Variants in JAK1 observed in about 807,000 individuals in gnomAD.
JAK1 encodes tyrosine-protein kinase JAK1.
JAK1 carries 16 observed loss-of-function variants against 136.6 expected under a neutral mutation model. That is an observed-to-expected ratio of 0.12 (90% CI 0.08 to 0.18). The LOEUF is 0.18. Among genes scored for constraint, JAK1 ranks in the 10% least tolerant of loss-of-function variants. The pLI, the probability that JAK1 is intolerant of heterozygous loss-of-function variation, is 1.00. For missense variants in JAK1, 859 were observed against 1,450.1 expected, an observed-to-expected ratio of 0.59 and a Z score of 6.62; for synonymous variants, 492 against 519.5, an observed-to-expected ratio of 0.95 and a Z score of 0.72.
chr1:64,874,338 A>G (rs1415865790), intron 4 of JAK1, among the ~76,000 whole-genome samples: 4 of 152,242 alleles, frequency 2.6e-5, no homozygotes, highest in Admixed American at 6.5e-5. Context: ...CAACAGTTTG[A>G]AAAAACTGAC....
At chr1:64,839,891 GC>G (rs1345224595) in intron 19 of JAK1, 96 bp from the exon 20 acceptor site, 1 of 1,038,894 alleles carries the variant, frequency 9.6e-7, no homozygotes, top group Non-Finnish European at 1.4e-6. Flanking sequence ...TCCCCTGAGG[GC>G]CAGGGGTTCT....
At chr1:65,036,769 G>A (rs374121624) in intron 2 of JAK1, among the ~76,000 whole-genome samples, 6 of 152,158 alleles carry the variant, frequency 3.9e-5, no homozygotes, top group African/African-American at 1.4e-4. Context: ...CAATAACTAG[G>A]GAATAATAAA....
intron 1 of JAK1, among the ~76,000 whole-genome samples, chr1:64,903,733 A>C (rs1305931972): frequency 6.6e-6 from 1 of 152,188 alleles, no homozygotes; most frequent in African/African-American, 2.4e-5. Context: ...CAGGGATAAA[A>C]CGACTATGTG....
intron 1 of JAK1, among the ~76,000 whole-genome samples, chr1:65,051,141 A>T (rs1647272027): frequency 6.6e-6 from 1 of 152,026 alleles, no homozygotes. Context: ...ATGCTATTAG[A>T]CTAGTGCTAT....
At chr1:64,909,359 G>A (rs1171066638) in intron 1 of JAK1, among the ~76,000 whole-genome samples, 1 of 152,178 alleles carries the variant, frequency 6.6e-6, no homozygotes, top group Non-Finnish European at 1.5e-5. Flanking sequence ...GCGTTTAGTA[G>A]AGGGGAGCAG....
intron 1 of JAK1, among the ~76,000 whole-genome samples, chr1:64,958,730 G>GA (rs1469380829): frequency 2.0e-5 from 3 of 151,934 alleles, no homozygotes; most frequent in African/African-American, 7.3e-5. Context: ...AATCATAATT[G>GA]AAAAAAACTG....
At chr1:64,979,947 T>C (rs1646529305) in intron 2 of JAK1, 1 of 152,234 alleles carries the variant, frequency 6.6e-6, no homozygotes, top group Non-Finnish European at 1.5e-5. Flanking sequence ...ATTAGGTTTA[T>C]TTTTGTGTCT....
intron 1 of JAK1, among the ~76,000 whole-genome samples, chr1:64,961,424 T>C (rs1441604370): frequency 2.6e-5 from 4 of 152,316 alleles, no homozygotes; most frequent in South Asian, 4.1e-4. Flanking sequence ...AACGATGTTA[T>C]TCTTGAGCTT....
At chr1:64,974,460 C>T (rs1646480518) in intron 2 of JAK1, 1 of 152,148 alleles carries the variant, frequency 6.6e-6, no homozygotes, top group African/African-American at 2.4e-5. Flanking sequence ...GCCCATTTAC[C>T]TCAGTAAATG....
chr1:64,872,607 T>C (rs1657137795), intron 5 of JAK1, among the ~76,000 whole-genome samples: 1 of 152,186 alleles, frequency 6.6e-6, no homozygotes, highest in African/African-American at 2.4e-5. Context: ...CACTCCAGCA[T>C]CTCCAGCATC....
In JAK1 at chr1:64,934,495, AAAC is replaced by A. The variant is rs1337886466; in HGVS notation, c.-78+31835_-78+31837del. 3.9e-5 allele frequency among the ~76,000 whole-genome samples: 6 copies of A among 152,308 alleles called. No homozygotes were observed. In the South Asian group the frequency reaches 8.3e-4, roughly 21 times the overall value. On this transcript the variant is annotated intron_variant, in intron 1 of 24. Transcript: ENST00000342505. ...GATGAATCCACAGAGCAGTAAAGAA[AAAC>A]AACAGTGAAGGAAGAGCTTGGCAGC...
intron 1 of JAK1, among the ~76,000 whole-genome samples, chr1:64,932,402 A>T (rs1209619033): frequency 6.6e-6 from 1 of 152,050 alleles, no homozygotes; most frequent in Non-Finnish European, 1.5e-5. Flanking sequence ...ACAGAGCGAG[A>T]CTCTGTCTCA....
intron 2 of JAK1, among the ~76,000 whole-genome samples, chr1:64,998,247 T>C (rs1646721359): frequency 6.6e-6 from 1 of 151,804 alleles, no homozygotes; most frequent in Admixed American, 6.6e-5. Context: ...ATAGAGAAAA[T>C]GAGGGAGAGG....
chr1:64,873,470 C>T lies in JAK1; in HGVS notation c.383G>A (p.Arg128His), dbSNP rs1456317552. The T allele has an allele frequency of 1.9e-6, 3 of 1,614,034 alleles. No individual in the cohort carries two copies. The highest frequency in any genetic ancestry group is 2.5e-6 in the Non-Finnish European group (3 of 1,180,022). ...ATTTTTCTGCTTCTTTGGAGAATGA[C>T]GCCACACTGACTGCTCATTGTCGTT... ...GTNDNEQSVW[R>H]HSPKKQKNGY... is the part of the protein sequence containing the mutation. The change falls in exon 5 of 25, where the codon CGT (arginine) becomes CAT (histidine). Residue 128 changes from arginine (R) to histidine (H), a missense_variant. Physicochemically the swap from Arg to His is conservative, Grantham distance 29 (BLOSUM62 0). This residue lies in a region of JAK1 where 353 missense variants were observed against 494.0 expected (regional missense o/e 0.71). Transcript: ENST00000342505.
At chr1:64,970,209 C>A (rs557498164), upstream of JAK1, among the ~76,000 whole-genome samples, 1 of 147,934 alleles carries the variant, frequency 6.8e-6, no homozygotes, top group South Asian at 2.2e-4. Context: ...GAGGCCAAGA[C>A]GGGGTGGATT....
chr1:64,873,612 G>A lies in JAK1; in HGVS notation c.330-89C>T, dbSNP rs541075623. Reference sequence around the variant, plus strand: ...TGGCTCACCAACAGTGGTCAGTGCCGGAGGCTGAAGTGCCCTGAGAAGCAG... The same window carrying A: ...TGGCTCACCAACAGTGGTCAGTGCCAGAGGCTGAAGTGCCCTGAGAAGCAG... On this transcript the variant is annotated intron_variant, in intron 4 of 24. Transcript: ENST00000342505. 149 of 1,466,496 alleles carry A rather than the reference G, an allele frequency of 1.0e-4. 1 individual carries two copies. The highest frequency in any genetic ancestry group is 7.1e-4 in the African/African-American group (51 of 71,830). 90.8% of individuals were successfully genotyped at this position (1,466,496 alleles called of 1,614,324 possible).
In JAK1 at chr1:65,056,325, C is replaced by CAGTTCTGGGCCAACCA. The variant is rs1553185516; in HGVS notation, c.-181+11263_-181+11278dup. Among the ~76,000 whole-genome samples the CAGTTCTGGGCCAACCA allele has an allele frequency of 2.0e-5, 3 of 152,306 alleles. No homozygotes were observed. In the East Asian group the frequency reaches 5.8e-4, roughly 29 times the overall value. The stretch of plus-strand genomic sequence containing the variant: ...GTGGTCAATGTGTCTGAAAAAATAA[C>CAGTTCTGGGCCAACCA]AGTTCTGGGCCAACCAAGTGTGGCT... On this transcript the variant is annotated intron_variant, in intron 1 of 25. Transcript: ENST00000671954.
At position 64,841,368 on chromosome 1, in the gene JAK1, A is replaced by G; in HGVS notation, c.2555-29T>C. Reference sequence around the variant, plus strand: ...ACAGAAGAGAAAAGAAAACAGAGTGAAAGGCAGTCGATTGCCAGGGATTGC... The same window carrying G: ...ACAGAAGAGAAAAGAAAACAGAGTGGAAGGCAGTCGATTGCCAGGGATTGC... On this transcript the variant is annotated intron_variant, in intron 18 of 24. Coordinates refer to ENST00000342505, the MANE Select transcript of JAK1 (RefSeq NM_002227.4). 1.9e-6 allele frequency: 3 copies of G among 1,612,274 alleles called. No individual in the cohort carries two copies. The South Asian group carries it at 3.3e-5, about 18-fold the overall frequency.
At chr1:65,047,188 T>A (rs894461704) in intron 1 of JAK1, among the ~76,000 whole-genome samples, 3 of 152,038 alleles carry the variant, frequency 2.0e-5, no homozygotes, top group Non-Finnish European at 4.4e-5. Flanking sequence ...TCCAAAAAAT[T>A]TTTTTTGTTT....
Sources: allele counts gnomAD v4.1 joint callset (sites outside exome capture counted in the v4.1 genomes callset), GRCh38; gene constraint gnomAD v4.1.1; regional missense constraint gnomAD v4.1.1; transcripts MANE v1.5; gene names NCBI Gene and HGNC (gene_info 2026-07-23, HGNC 2026-07-21).